The following GPR20 variants were observed in gnomAD, a reference collection of about 807,000 sequenced individuals.
GPR20 encodes the protein CTD-3064M3.3.
For missense variants in GPR20, 494 were observed against 527.4 expected, an observed-to-expected ratio of 0.94 and a Z score of 0.62; for synonymous variants, 241 against 241.9, an observed-to-expected ratio of 1.00 and a Z score of 0.04.
At position 141,357,150 on chromosome 8, in the gene GPR20, G is replaced by T. The variant is rs368916220; in HGVS notation, c.774C>A (p.His258Gln). The T allele has an allele frequency of 1.2e-6, 2 of 1,609,538 alleles. No individual in the cohort carries two copies. Among genetic ancestry groups the T allele is most frequent in the Non-Finnish European group, 1.7e-6 (2 of 1,179,648 alleles). The change falls in exon 2 of 2, where the codon CAC becomes CAA. Residue 258 changes from histidine (H) to glutamine (Q), a missense_variant. Physicochemically the swap from His to Gln is conservative, Grantham distance 24. Transcript: ENST00000377741. ...ACAGCGCCACGGCCACTTGGCGGGCGTGGAAGGGCGTGAAGCAGACGAGAA... is the reference window on the plus strand; with the variant it reads ...ACAGCGCCACGGCCACTTGGCGGGCTTGGAAGGGCGTGAAGCAGACGAGAA... ...IIFLVCFTPFHARQVAVALWP... is the reference protein window; with the variant it reads ...IIFLVCFTPFQARQVAVALWP...
In GPR20 at chr8:141,357,639, C is replaced by G; in HGVS notation, c.285G>C (p.Leu95=). The G allele has an allele frequency of 6.2e-7, 1 of 1,614,006 alleles. No homozygotes were observed. Among genetic ancestry groups the G allele is most frequent in the East Asian group, 2.2e-5 (1 of 44,884 alleles). ...GCCCTACCAGTAGATCGGTCACCAC[C>G]AGGTTGATGGTGTAGATGACTGAGG... ...KTPSVIYTIN[L]VVTDLLVGLS... is the part of the protein sequence containing the mutation. Residue 95 remains leucine (L), a synonymous_variant, in exon 2 of 2, where the codon CTG becomes CTC. Transcript: ENST00000377741.
chr8:141,366,623 A>AGAG (rs1290989075), intron 1 of GPR20, among the ~76,000 whole-genome samples: 1 of 152,236 alleles, frequency 6.6e-6, no homozygotes, highest in Non-Finnish European at 1.5e-5. Context: ...AGGCTACTGC[A>AGAG]GAGGGCCTGA....
At position 141,356,708 on chromosome 8, in the gene GPR20, T is replaced by C. The variant is rs1253838376; in HGVS notation, c.*139A>G. 5 of 616,354 alleles carry C rather than the reference T, an allele frequency of 8.1e-6. No individual in the cohort carries two copies. The highest frequency in any genetic ancestry group is 1.8e-5 in the African/African-American group (1 of 54,254). The allele number at this position is 616,354 out of a possible 1,614,324, so 38.2% of individuals were successfully genotyped here. A position where few individuals can be genotyped will look rare whatever the true frequency, so the allele number is the denominator to read the frequency against. ...CTAATCAACCACAGCACAGTGGCCT[T>C]AGACGCTCAATGCGGTGCTCTGGGT... On this transcript the variant is annotated 3_prime_UTR_variant, in exon 2 of 2. Transcript: ENST00000377741.
chr8:141,364,335 A>G (rs1013270735), intron 1 of GPR20, among the ~76,000 whole-genome samples: 3 of 152,146 alleles, frequency 2.0e-5, no homozygotes, highest in Non-Finnish European at 2.9e-5. Flanking sequence ...GTTTATTTTT[A>G]TGATTATTCT....
intron 1 of GPR20, among the ~76,000 whole-genome samples, chr8:141,363,585 C>T (rs891986225): frequency 6.6e-6 from 1 of 152,268 alleles, no homozygotes; most frequent in East Asian, 1.9e-4. Context: ...TGAATTTCTG[C>T]TGGGCACCCG....
At position 141,361,785 on chromosome 8, in the gene GPR20, C is replaced by T. The variant is rs562902780; in HGVS notation, c.-24-3838G>A. 3.6e-3 allele frequency among the ~76,000 whole-genome samples: 549 copies of T among 151,940 alleles called. 7 individuals are homozygous for T. The highest frequency in any genetic ancestry group is 0.013 in the African/African-American group (530 of 41,344). On this transcript the variant is annotated intron_variant, in intron 1 of 1. Transcript: ENST00000377741. ...AACAGAGCACCTGCTGCAGGTGTGG[C>T]GGGGCAGGGGCAGGTGTGCTGCGGC...
chr8:141,366,637 G>A (rs1354307066), intron 1 of GPR20, among the ~76,000 whole-genome samples: 1 of 152,220 alleles, frequency 6.6e-6, no homozygotes, highest in Non-Finnish European at 1.5e-5. Flanking sequence ...GGCCTGAGCT[G>A]TGGGATGGCA....
intron 1 of GPR20, among the ~76,000 whole-genome samples, chr8:141,359,653 T>A (rs995820604): frequency 6.6e-6 from 1 of 152,182 alleles, no homozygotes; most frequent in African/African-American, 2.4e-5. Flanking sequence ...CTGTCCTCCC[T>A]CAGCCCAGGT....
intron 1 of GPR20, among the ~76,000 whole-genome samples, chr8:141,364,018 C>T (rs1382978395): frequency 3.9e-5 from 6 of 152,352 alleles, no homozygotes; most frequent in African/African-American, 9.6e-5. Context: ...GATGAGGAAC[C>T]GGAGGCCCAG....
At chr8:141,364,590 A>C (rs1320797964) in intron 1 of GPR20, among the ~76,000 whole-genome samples, 1 of 152,210 alleles carries the variant, frequency 6.6e-6, no homozygotes, top group African/African-American at 2.4e-5. Flanking sequence ...TGGTGGGCAC[A>C]GACTGAGCTC....
intron 1 of GPR20, among the ~76,000 whole-genome samples, chr8:141,359,926 A>C (rs949431437): frequency 6.6e-6 from 1 of 152,186 alleles, no homozygotes; most frequent in Admixed American, 6.5e-5. Flanking sequence ...TGCTTTTCCA[A>C]TTTGTCTGCA....
intron 1 of GPR20, among the ~76,000 whole-genome samples, chr8:141,364,055 C>G (rs913194256): frequency 3.9e-5 from 6 of 152,234 alleles, no homozygotes; most frequent in African/African-American, 1.4e-4. Flanking sequence ...CTCACGGTTA[C>G]CCAGCATGGA....
rs114562667 is a variant in GPR20, at chr8:141,362,004, G to A, written c.-24-4057C>T. Among the ~76,000 whole-genome samples, 44 of 152,318 alleles carry A rather than the reference G, an allele frequency of 2.9e-4. No homozygotes were observed. In the East Asian group the frequency reaches 5.2e-3, roughly 18 times the overall value. ...GTAGGTATCACATCACAAAACAGCC[G>A]TCCTAGGCGGGGCTGCCGCTGGGTT... On this transcript the variant is annotated intron_variant, in intron 1 of 1. Transcript: ENST00000377741.
At chr8:141,363,682 T>A (rs1292202571) in intron 1 of GPR20, among the ~76,000 whole-genome samples, 1 of 152,212 alleles carries the variant, frequency 6.6e-6, no homozygotes. Flanking sequence ...CCGGCCTCCG[T>A]CCTTGGCCGG....
At position 141,357,232 on chromosome 8, in the gene GPR20, T is replaced by C. The variant is rs1333755247; in HGVS notation, c.692A>G (p.Gln231Arg). ...CALSRPGLLH[Q>R]GRQRRVRAMQ... is the part of the protein sequence containing the mutation. ...GGCCCGCACGCGGCGCTGGCGACCC[T>C]GGTGGAGCAGACCCGGCCGCGACAG... Residue 231 changes from glutamine to arginine, a missense_variant, in exon 2 of 2, where the codon CAG becomes CGG. By Grantham distance (43) the Gln-to-Arg change is conservative. Transcript: ENST00000377741. 1.9e-6 allele frequency: 3 copies of C among 1,556,012 alleles called. No homozygotes were observed. In the African/African-American group the frequency reaches 4.1e-5, roughly 21 times the overall value.
In GPR20 at chr8:141,357,593, C is replaced by T. The variant is rs545713038; in HGVS notation, c.331G>A (p.Ala111Thr). The T allele has an allele frequency of 8.7e-6, 14 of 1,613,830 alleles. No individual in the cohort carries two copies. The highest frequency in any genetic ancestry group is 1.7e-5 in the Admixed American group (1 of 60,014). ...LVGLSLPTRFAVYYGARGCLR... is the reference protein window; with the variant it reads ...LVGLSLPTRFTVYYGARGCLR... ...CAGCCCCTGGCGCCGTAGTACACAG[C>T]GAAGCGCGTGGGCAGGGACAGCCCT... Residue 111 changes from alanine (A) to threonine (T), a missense_variant, in exon 2 of 2, where the codon GCT (alanine) becomes ACT (threonine). By Grantham distance (58) the Ala-to-Thr change is moderately conservative (BLOSUM62 0). Transcript: ENST00000377741.
At position 141,357,869 on chromosome 8, in the gene GPR20, C is replaced by A. The variant is rs549200262; in HGVS notation, c.55G>T (p.Ala19Ser). The change falls in exon 2 of 2, where the codon GCA becomes TCA. Residue 19 changes from alanine (A) to serine (S), a missense_variant. Ala to Ser is a moderately conservative substitution (Grantham distance 99). Coordinates refer to ENST00000377741, the MANE Select transcript of GPR20 (RefSeq NM_005293.3). ...GCATTGGTCCGCACTGTTGTCACTG[C>A]GGTGGCATTGGGGACTGCCCCGGCC... ...PSAGAVPNATAVTTVRTNASG... is the reference protein window; with the variant it reads ...PSAGAVPNATSVTTVRTNASG... The A allele has an allele frequency of 1.2e-6, 2 of 1,608,080 alleles. No individual in the cohort carries two copies. Among genetic ancestry groups the A allele is most frequent in the South Asian group, 1.1e-5 (1 of 90,598 alleles).
At chr8:141,366,785 T>G (rs538279158) in intron 1 of GPR20, among the ~76,000 whole-genome samples, 4 of 152,218 alleles carry the variant, frequency 2.6e-5, no homozygotes, top group Non-Finnish European at 5.9e-5. Context: ...CCCCCAACTC[T>G]GTCCCTGGCT....
intron 1 of GPR20, among the ~76,000 whole-genome samples, chr8:141,361,126 C>T (rs867535395): frequency 6.6e-6 from 1 of 152,234 alleles, no homozygotes; most frequent in East Asian, 1.9e-4. Context: ...GGACTGGCAC[C>T]GTGTCCTGAT....
Sources: gnomAD v4.1 joint callset for allele counts (sites outside exome capture counted in the v4.1 genomes callset) on GRCh38, gnomAD v4.1.1 for gene constraint, MANE v1.5 for transcripts, NCBI Gene and HGNC (gene_info 2026-07-23, HGNC 2026-07-21) for gene names.